The following LZTS1 variants were observed in gnomAD, a reference collection of about 807,000 sequenced individuals.
LZTS1 encodes leucine zipper tumor suppressor 1.
LZTS1 carries 31 observed loss-of-function variants against 45.8 expected under a neutral mutation model. That is an observed-to-expected ratio of 0.68 (90% CI 0.51 to 0.91). The LOEUF (loss-of-function observed/expected upper bound fraction) is 0.91, where lower values mean the gene tolerates loss of function less well. Among genes scored for constraint, LZTS1 ranks in the 40% least tolerant of loss-of-function variants. The pLI, the probability that LZTS1 is intolerant of heterozygous loss-of-function variation, is 0.00. For missense variants in LZTS1, 821 were observed against 788.9 expected, an observed-to-expected ratio of 1.04 and a Z score of -0.49; for synonymous variants, 359 against 357.3, an observed-to-expected ratio of 1.00 and a Z score of -0.05.
At chr8:20,296,712 TATGTGTGCGTGTGTGC>T (rs1417010651) in intron 1 of LZTS1, among the ~76,000 whole-genome samples, 2 of 152,164 alleles carry the variant, frequency 1.3e-5, no homozygotes, top group Non-Finnish European at 2.9e-5. Context: ...TGTATGTGTG[TATGTGTGCGTGTGTGC>T]ATGTGTGTGC....
intron 1 of LZTS1, among the ~76,000 whole-genome samples, chr8:20,255,889 A>G (rs951051784): frequency 1.2e-4 from 18 of 151,842 alleles, no homozygotes; most frequent in African/African-American, 4.4e-4. Context: ...AGCCTGTGCA[A>G]CTTAGAGAAA....
chr8:20,268,894 G>C (rs200429159), intron 1 of LZTS1, among the ~76,000 whole-genome samples: 1 of 152,114 alleles, frequency 6.6e-6, no homozygotes, highest in Non-Finnish European at 1.5e-5. Context: ...TCGAACAATC[G>C]GAAGCAATTC....
chr8:20,296,599 T>G (rs1235688347), intron 1 of LZTS1, among the ~76,000 whole-genome samples: 1 of 152,170 alleles, frequency 6.6e-6, no homozygotes, highest in Non-Finnish European at 1.5e-5. Context: ...ATTTGTGTAA[T>G]GTGATGTACT....
At position 20,250,169 on chromosome 8, in the gene LZTS1, C is replaced by G; in HGVS notation, c.1344G>C (p.Glu448Asp). The G allele has an allele frequency of 6.2e-7, 1 of 1,610,654 alleles. No homozygotes were observed. Among genetic ancestry groups the G allele is most frequent in the Non-Finnish European group, 8.5e-7 (1 of 1,179,656 alleles). Residue 448 changes from glutamate (E) to aspartate (D), a missense_variant, in exon 4 of 4, where the codon GAG becomes GAC. Physicochemically the swap from Glu to Asp is conservative, Grantham distance 45 (BLOSUM62 2). Coordinates refer to ENST00000381569, the MANE Select transcript of LZTS1 (RefSeq NM_021020.5). The stretch of plus-strand genomic sequence containing the variant: ...TGCGCTGCAGCTCATTCTCACAGAC[C>G]TCCAGCTCCAGGCCCTTGGTGCGCA... ...GALRTKGLEL[E>D]VCENELQRKK... is the part of the protein sequence containing the mutation.
intron 1 of LZTS1, among the ~76,000 whole-genome samples, chr8:20,274,541 C>A (rs569929011): frequency 1.3e-5 from 2 of 152,216 alleles, no homozygotes; most frequent in African/African-American, 4.8e-5. Context: ...AGCCTGTGGG[C>A]GTGTTGGAGT....
chr8:20,286,687 G>A (rs1162351249), intron 1 of LZTS1, among the ~76,000 whole-genome samples: 1 of 152,208 alleles, frequency 6.6e-6, no homozygotes, highest in African/African-American at 2.4e-5. Context: ...TAAAGACCTA[G>A]CAGTTTTGTG....
Position 20,249,633 on chromosome 8 carries a change from A to T in LZTS1, c.*89T>A. 6.8e-7 allele frequency: 1 copy of T among 1,477,392 alleles called. No individual in the cohort carries two copies. The highest frequency in any genetic ancestry group is 1.3e-5 in the South Asian group (1 of 75,754). 91.5% of individuals were successfully genotyped at this position (1,477,392 alleles called of 1,614,324 possible). A position where few individuals can be genotyped will look rare whatever the true frequency, so the allele number is the denominator to read the frequency against. On this transcript the variant is annotated 3_prime_UTR_variant, in exon 4 of 4. Coordinates refer to ENST00000381569, the MANE Select transcript of LZTS1 (RefSeq NM_021020.5). Reference sequence around the variant, plus strand: ...TGTCCCAGGGAGTGGCGTCTCTCAGAGGGGTCTGAATTGCTGAGCAGGGGG... The same window carrying T: ...TGTCCCAGGGAGTGGCGTCTCTCAGTGGGGTCTGAATTGCTGAGCAGGGGG...
intron 1 of LZTS1, among the ~76,000 whole-genome samples, chr8:20,297,613 G>A (rs917984527): frequency 1.3e-4 from 20 of 152,018 alleles, no homozygotes; most frequent in African/African-American, 4.6e-4. Context: ...ATGGGATTTC[G>A]CCATGTTGAC....
chr8:20,255,025 C>G lies in LZTS1; in HGVS notation c.157G>C (p.Gly53Arg), dbSNP rs146827533. The change falls in exon 2 of 4, where the codon GGC (glycine) becomes CGC (arginine). Residue 53 changes from glycine to arginine, a missense_variant. Physicochemically the swap from Gly to Arg is moderately radical, Grantham distance 125. Coordinates refer to ENST00000381569, the MANE Select transcript of LZTS1 (RefSeq NM_021020.5). The stretch of plus-strand genomic sequence containing the variant: ...TTGCCCATTTTGGAGCTGGACTTGC[C>G]GTGACCGGAGTCCTGGGAGAAGCCA... ...RFGFSQDSGH[G>R]KSSSKMGKSE... The G allele has an allele frequency of 1.2e-6, 2 of 1,614,088 alleles. No homozygotes were observed. Among genetic ancestry groups the G allele is most frequent in the Non-Finnish European group, 1.7e-6 (2 of 1,180,050 alleles).
intron 1 of LZTS1, among the ~76,000 whole-genome samples, chr8:20,269,035 T>C (rs1399915197): frequency 1.3e-5 from 2 of 152,168 alleles, no homozygotes; most frequent in Non-Finnish European, 2.9e-5. Flanking sequence ...GCAGCATTGA[T>C]TGACATTTCT....
intron 1 of LZTS1, among the ~76,000 whole-genome samples, chr8:20,278,452 C>T (rs1800626240): frequency 6.6e-6 from 1 of 152,210 alleles, no homozygotes; most frequent in African/African-American, 2.4e-5. Context: ...AAGATGCCAA[C>T]ATAAGACCCC....
intron 1 of LZTS1, chr8:20,289,381 C>A (rs961625771): frequency 6.6e-6 from 1 of 152,372 alleles, no homozygotes; most frequent in Non-Finnish European, 1.5e-5. Flanking sequence ...GGCAGACAAG[C>A]GGCTGATCGT....
chr8:20,261,173 G>A (rs1298801396), intron 1 of LZTS1, among the ~76,000 whole-genome samples: 2 of 152,166 alleles, frequency 1.3e-5, no homozygotes, highest in Non-Finnish European at 2.9e-5. Flanking sequence ...TTCAGGAAGG[G>A]GACAGGAGGA....
intron 1 of LZTS1, among the ~76,000 whole-genome samples, chr8:20,292,801 G>C (rs921983458): frequency 1.3e-5 from 2 of 152,178 alleles, no homozygotes; most frequent in African/African-American, 4.8e-5. Flanking sequence ...CACGTTAGTA[G>C]AAAGAGCCCT....
intron 2 of LZTS1, among the ~76,000 whole-genome samples, chr8:20,254,179 C>G (rs1278098371): frequency 9.9e-5 from 15 of 152,156 alleles, no homozygotes; most frequent in Admixed American, 9.8e-4. Flanking sequence ...GATTCATTTC[C>G]CCAGGGCAAG....
At chr8:20,280,259 A>G (rs1048953905) in intron 1 of LZTS1, among the ~76,000 whole-genome samples, 3 of 152,122 alleles carry the variant, frequency 2.0e-5, no homozygotes, top group Non-Finnish European at 2.9e-5. Context: ...TTCTGCTTTC[A>G]TCTGCCCAGT....
chr8:20,258,067 C>A (rs1159466034), intron 1 of LZTS1, among the ~76,000 whole-genome samples: 2 of 152,166 alleles, frequency 1.3e-5, no homozygotes, highest in East Asian at 3.8e-4. Flanking sequence ...ATTGGGATGT[C>A]AGTGCCAGCA....
rs953300340 is a variant in LZTS1 at position 20,296,018 on chromosome 8, G to A, written c.-135+7722C>T. Among the ~76,000 whole-genome samples the A allele has an allele frequency of 2.0e-5, 3 of 152,060 alleles. 1 individual carries two copies. The highest frequency in any genetic ancestry group is 4.1e-4 in the South Asian group (2 of 4,826). On this transcript the variant is annotated intron_variant, in intron 1 of 3. Transcript: ENST00000381569. ...TCTTTACAGCAGGAATATAATGTTCGGCTGCCTTACACCCACTCTCTGAAT... is the reference window on the plus strand; with the variant it reads ...TCTTTACAGCAGGAATATAATGTTCAGCTGCCTTACACCCACTCTCTGAAT...
rs904002 is a variant in LZTS1 at position 20,249,363 on chromosome 8, A to G, written c.*359T>C. On this transcript the variant is annotated 3_prime_UTR_variant, in exon 4 of 4. Transcript: ENST00000381569. ...GGAAAAAGAGGTTGGGATGAGAAGC[A>G]GAGGGGAGCCGCTGTACTTGCTGTG... The G allele has an allele frequency of 0.83, 190,493 of 229,060 alleles. 79,714 individuals are homozygous for G. Among genetic ancestry groups the G allele is most frequent in the East Asian group, 0.94 (9,360 of 10,002 alleles). 14.2% of individuals were successfully genotyped at this position (229,060 alleles called of 1,614,324 possible).
Sources: gnomAD v4.1 joint callset for allele counts (sites outside exome capture counted in the v4.1 genomes callset) on GRCh38, gnomAD v4.1.1 for gene constraint, MANE v1.5 for transcripts, NCBI Gene and HGNC (gene_info 2026-07-23, HGNC 2026-07-21) for gene names.